Variants in IMPG1 observed in about 807,000 individuals in gnomAD.
IMPG1 encodes the protein interphotoreceptor matrix proteoglycan of 150 kDa.
A neutral mutation model predicts 92.0 loss-of-function variants in IMPG1; 85 were observed. That is an observed-to-expected ratio of 0.92 (90% confidence interval 0.78 to 1.11). IMPG1 has a LOEUF of 1.11. Ranked by LOEUF, IMPG1 falls within the 50% of genes least tolerant of loss-of-function variation. IMPG1 has a pLI of 0.00. For synonymous variants in IMPG1, 367 were observed against 334.1 expected (o/e 1.10, Z -1.08); for missense variants, 1,022 against 956.0 (o/e 1.07, Z -0.91).
intron 1 of IMPG1, among the ~76,000 whole-genome samples, chr6:76,055,506 G>T (rs1369673031): frequency 2.0e-5 from 3 of 149,178 alleles, no homozygotes; most frequent in African/African-American, 7.3e-5. Flanking sequence ...AGTGGTGTAA[G>T]AAAACAAAAT....
intron 1 of IMPG1, among the ~76,000 whole-genome samples, chr6:76,071,418 T>C (rs996405894): frequency 5.3e-5 from 8 of 151,030 alleles, no homozygotes; most frequent in African/African-American, 1.7e-4. Flanking sequence ...TATTTATATA[T>C]AATTGATAAT....
At chr6:75,970,148 GC>G (rs541372984) in intron 12 of IMPG1, among the ~76,000 whole-genome samples, 6 of 152,184 alleles carry the variant, frequency 3.9e-5, no homozygotes, top group African/African-American at 1.4e-4. Context: ...TTCTCCATTT[GC>G]CCCAAGCCAC....
At chr6:76,072,370 T>C in intron 1 of IMPG1, 52 bp downstream of exon 1, 2 of 981,426 alleles carry the variant, frequency 2.0e-6, no homozygotes, top group South Asian at 1.4e-5. Context: ...TTCACTTCTA[T>C]CGGTAGATTT....
chr6:76,041,766 T>C, intron 2 of IMPG1, 127 bp downstream of exon 2: 3 of 649,114 alleles, frequency 4.6e-6, no homozygotes, highest in Non-Finnish European at 8.3e-6. Context: ...TATCACTAGG[T>C]TGATTTTTAT....
chr6:76,019,202 G>C (rs1021107349), intron 6 of IMPG1, among the ~76,000 whole-genome samples: 1 of 152,138 alleles, frequency 6.6e-6, no homozygotes, highest in Non-Finnish European at 1.5e-5. Context: ...CCATCACTAA[G>C]GGCCAAGAGG....
intron 1 of IMPG1, among the ~76,000 whole-genome samples, chr6:76,044,112 C>T (rs1783891727): frequency 6.6e-6 from 1 of 152,142 alleles, no homozygotes. Flanking sequence ...AAAATGGCTG[C>T]ATGGCAAAGT....
At chr6:76,005,243 G>T (rs201659875) in intron 10 of IMPG1, 44 bp downstream of exon 10, 29 of 1,591,048 alleles carry the variant, frequency 1.8e-5, no homozygotes, top group Non-Finnish European at 2.4e-5. Flanking sequence ...CTTAGTCTCT[G>T]CCAAAATGAG....
At chr6:76,063,378 G>C (rs1314169970) in intron 1 of IMPG1, among the ~76,000 whole-genome samples, 1 of 152,168 alleles carries the variant, frequency 6.6e-6, no homozygotes. Context: ...GGAAAAGAAG[G>C]AAGCAAGAGG....
At chr6:76,019,124 A>T (rs1783368821) in intron 6 of IMPG1, among the ~76,000 whole-genome samples, 2 of 152,158 alleles carry the variant, frequency 1.3e-5, no homozygotes, top group African/African-American at 4.8e-5. Context: ...GGAATGATGT[A>T]TTTGGGCCAC....
intron 12 of IMPG1, among the ~76,000 whole-genome samples, chr6:75,962,634 G>T (rs6924213): frequency 6.6e-6 from 1 of 151,982 alleles, no homozygotes; most frequent in South Asian, 2.1e-4. Context: ...AGAAGACAGC[G>T]GTCCAAAAGT....
chr6:75,989,720 G>A (rs1333913427), intron 12 of IMPG1, among the ~76,000 whole-genome samples: 3 of 152,132 alleles, frequency 2.0e-5, no homozygotes, highest in Non-Finnish European at 2.9e-5. Flanking sequence ...GCGTGTGCCT[G>A]TAATCCCAGC....
At chr6:76,021,078 A>G (rs1304795391) in intron 6 of IMPG1, among the ~76,000 whole-genome samples, 2 of 152,296 alleles carry the variant, frequency 1.3e-5, no homozygotes, top group East Asian at 3.9e-4. Context: ...TGAATAGGGA[A>G]CACTTGTCAT....
At chr6:76,062,930 G>A (rs1481192494) in intron 1 of IMPG1, among the ~76,000 whole-genome samples, 3 of 151,690 alleles carry the variant, frequency 2.0e-5, no homozygotes, top group African/African-American at 7.3e-5. Flanking sequence ...AAGAAGACTT[G>A]GGGTGGCTCA....
At chr6:75,986,643 GA>G (rs1189231119) in intron 12 of IMPG1, among the ~76,000 whole-genome samples, 1 of 152,010 alleles carries the variant, frequency 6.6e-6, no homozygotes, top group Non-Finnish European at 1.5e-5. Context: ...AATGAAGGCT[GA>G]AATATATCAT....
At chr6:76,036,334 C>CT (rs1309250207) in intron 2 of IMPG1, among the ~76,000 whole-genome samples, 1 of 152,138 alleles carries the variant, frequency 6.6e-6, no homozygotes, top group Non-Finnish European at 1.5e-5. Context: ...GCTACAGATC[C>CT]TTTTTTAACA....
At chr6:75,977,062 G>A (rs1389051838) in intron 12 of IMPG1, among the ~76,000 whole-genome samples, 2 of 151,642 alleles carry the variant, frequency 1.3e-5, no homozygotes, top group Non-Finnish European at 2.9e-5. Context: ...TGAGGAAGTG[G>A]TATTTAAAAA....
In IMPG1 at chr6:75,973,961, A is replaced by C. The variant is rs1445256732; in HGVS notation, c.1292-22867T>G. On this transcript the variant is annotated intron_variant, in intron 12 of 16. Coordinates refer to ENST00000369950, the MANE Select transcript of IMPG1 (RefSeq NM_001563.4). ...TGAGGAGCAAAGCCAAATATATTAA[A>C]AAAGCAAAAATTATCAAGTGCAGTT... Among the ~76,000 whole-genome samples, 6 of 152,376 alleles carry C rather than the reference A, an allele frequency of 3.9e-5. No homozygotes were observed. In the East Asian group the frequency reaches 1.2e-3, roughly 29 times the overall value.
At chr6:75,991,317 G>T (rs1293482049) in intron 12 of IMPG1, among the ~76,000 whole-genome samples, 1 of 152,018 alleles carries the variant, frequency 6.6e-6, no homozygotes, top group African/African-American at 2.4e-5. Context: ...CTTGAACCCG[G>T]GAGGCGGAGG....
chr6:75,922,047 T>C lies in IMPG1; in HGVS notation c.*42A>G. The C allele has an allele frequency of 1.1e-6, 1 of 895,192 alleles. No individual in the cohort carries two copies. The highest frequency in any genetic ancestry group is 1.8e-6 in the Non-Finnish European group (1 of 551,100). The allele number at this position is 895,192 out of a possible 1,614,324, so 55.5% of individuals were successfully genotyped here. A position where few individuals can be genotyped will look rare whatever the true frequency, so the allele number is the denominator to read the frequency against. On this transcript the variant is annotated 3_prime_UTR_variant, in exon 17 of 17. Transcript: ENST00000369950. ...ATTTTCCTTGAGAAGGCAAATCATCTCTCTTGAGATAGCCTAAATGATAAT... is the reference window on the plus strand; with the variant it reads ...ATTTTCCTTGAGAAGGCAAATCATCCCTCTTGAGATAGCCTAAATGATAAT...
Sources: gnomAD v4.1 joint callset for allele counts (sites outside exome capture counted in the v4.1 genomes callset) on GRCh38, gnomAD v4.1.1 for gene constraint, MANE v1.5 for transcripts, NCBI Gene and HGNC (gene_info 2026-07-23, HGNC 2026-07-21) for gene names.